The following SAA2 variants were observed in gnomAD, a reference collection of about 807,000 sequenced individuals.
The protein encoded by SAA2 is serum amyloid A2.
Under a neutral mutation model 9.1 loss-of-function variants are expected in SAA2, and 5 were observed. The observed-to-expected ratio is 0.55, with a 90% CI of 0.29 to 1.16. SAA2 has a LOEUF of 1.16. Among genes scored for constraint, SAA2 ranks in the 50% most tolerant of loss-of-function variants. The pLI, the probability that SAA2 is intolerant of heterozygous loss-of-function variation, is 0.09. For synonymous variants in SAA2, 49 were observed against 59.8 expected, an observed-to-expected ratio of 0.82 and a Z score of 0.83; for missense variants, 94 against 153.8, an observed-to-expected ratio of 0.61 and a Z score of 2.06.
In SAA2 at chr11:18,248,033, G is replaced by A. The variant is rs966279381; in HGVS notation, c.-4-18C>T. Reference sequence around the variant, plus strand: ...TCATGGTGCTGAAATGAAAGGAGAAGTCAGGCAGTCGCCCACAAGACTGGC... The same window carrying A: ...TCATGGTGCTGAAATGAAAGGAGAAATCAGGCAGTCGCCCACAAGACTGGC... On this transcript the variant is annotated intron_variant, in intron 1 of 3. Coordinates refer to ENST00000256733, the MANE Select transcript of SAA2 (RefSeq NM_030754.5). The A allele has an allele frequency of 9.9e-6, 16 of 1,611,392 alleles. No homozygotes were observed. The highest frequency in any genetic ancestry group is 1.3e-5 in the Non-Finnish European group (15 of 1,178,818).
At chr11:18,245,563 C>A (rs1328402706) in intron 3 of SAA2, 48 bp from the exon 4 acceptor site, 23 of 1,605,200 alleles carry the variant, frequency 1.4e-5, no homozygotes, top group Non-Finnish European at 1.5e-5. Flanking sequence ...GGCCAGTGAG[C>A]AACAGCTCAC....
At chr11:18,238,847 CCTT>C (rs1413396499), downstream of SAA2, among the ~76,000 whole-genome samples, 1 of 149,992 alleles carries the variant, frequency 6.7e-6, no homozygotes, top group East Asian at 2.0e-4. Context: ...TGGTAACCAT[CCTT>C]CTATTCTCTA....
chr11:18,240,024 A>G, intron 3 of SAA2: 2 of 1,546,508 alleles, frequency 1.3e-6, no homozygotes, highest in South Asian at 2.4e-5. Context: ...TTTAACATGC[A>G]AGGGGGAAAA....
downstream of SAA2, among the ~76,000 whole-genome samples, chr11:18,243,483 T>C (rs1857409082): frequency 6.6e-6 from 1 of 152,236 alleles, no homozygotes; most frequent in South Asian, 2.1e-4. Context: ...TTTACTAGAC[T>C]GAACACTAAT....
downstream of SAA2, among the ~76,000 whole-genome samples, chr11:18,243,128 T>C (rs1187508303): frequency 6.6e-6 from 1 of 152,180 alleles, no homozygotes; most frequent in East Asian, 1.9e-4. Context: ...ATGGACTATA[T>C]TGAATTAAAT....
chr11:18,240,633 T>C (rs577759143), downstream of SAA2, among the ~76,000 whole-genome samples: 12 of 152,316 alleles, frequency 7.9e-5, no homozygotes, highest in East Asian at 2.1e-3. Flanking sequence ...GGGGAAATGA[T>C]ACCTTATTCA....
chr11:18,244,222 C>T (rs1322693833), downstream of SAA2, among the ~76,000 whole-genome samples: 1 of 152,218 alleles, frequency 6.6e-6, no homozygotes, highest in Non-Finnish European at 1.5e-5. Flanking sequence ...GGGGTTTCAA[C>T]ATATACATTT....
At chr11:18,238,807 C>A (rs933296481), downstream of SAA2, among the ~76,000 whole-genome samples, 17 of 148,692 alleles carry the variant, frequency 1.1e-4, no homozygotes, top group Admixed American at 1.3e-4. Flanking sequence ...TCCCCTCACT[C>A]CCCCCCTCCC....
chr11:18,239,817 T>C, exon 4 of SAA2: 2 of 1,179,302 alleles, frequency 1.7e-6, no homozygotes, highest in Non-Finnish European at 2.3e-6. Context: ...AGGGAGCTCA[T>C]CCATGCCTCT....
Position 18,239,866 on chromosome 11 carries a change from G to A in SAA2, c.*82C>T, listed in dbSNP as rs1857291195. The A allele has an allele frequency of 3.3e-6, 5 of 1,508,760 alleles. No individual in the cohort carries two copies. In the South Asian group the frequency reaches 5.2e-5, roughly 16 times the overall value. The allele number at this position is 1,508,760 out of a possible 1,614,324, so 93.5% of individuals were successfully genotyped here. A position where few individuals can be genotyped will look rare whatever the true frequency, so the allele number is the denominator to read the frequency against. On this transcript the variant is annotated 3_prime_UTR_variant, in exon 4 of 4. Coordinates refer to the SAA2 transcript ENST00000414546. The stretch of plus-strand genomic sequence containing the variant: ...AAAGGCCATGGTCTTGTTAGTGGTG[G>A]TTATTTACACTGAATCTTCATTGCC...
chr11:18,240,274 C>T (rs746780033), downstream of SAA2: 8 of 702,412 alleles, frequency 1.1e-5, no homozygotes, highest in Non-Finnish European at 1.6e-5. Flanking sequence ...GGTTGTATTC[C>T]TCAGTCATCT....
At chr11:18,246,791 C>G (rs1857565515) in intron 2 of SAA2, among the ~76,000 whole-genome samples, 1 of 152,136 alleles carries the variant, frequency 6.6e-6, no homozygotes. Context: ...CCTTGGCCTC[C>G]CAAAGTGCTG....
At chr11:18,243,427 A>G (rs1179253362), downstream of SAA2, among the ~76,000 whole-genome samples, 3 of 152,184 alleles carry the variant, frequency 2.0e-5, no homozygotes, top group Non-Finnish European at 4.4e-5. Context: ...TGCTATTGTA[A>G]TAATAGCATT....
intron 3 of SAA2, chr11:18,240,148 T>G: frequency 1.2e-6 from 1 of 820,658 alleles, no homozygotes. Flanking sequence ...TCATAAATGA[T>G]TATTAGGAAG....
chr11:18,246,581 G>A (rs1857552514), intron 2 of SAA2, among the ~76,000 whole-genome samples: 1 of 152,136 alleles, frequency 6.6e-6, no homozygotes, highest in Non-Finnish European at 1.5e-5. Flanking sequence ...CACCCAGGCT[G>A]GAGCACACTG....
exon 4 of SAA2, chr11:18,239,917 A>C (rs758902961): frequency 4.1e-5 from 64 of 1,548,588 alleles, no homozygotes; most frequent in Non-Finnish European, 5.0e-5. Flanking sequence ...GTCATGTAGG[A>C]GTGAAGAAAA....
downstream of SAA2, chr11:18,242,872 A>G: frequency 2.9e-6 from 2 of 696,574 alleles, no homozygotes; most frequent in Middle Eastern, 2.3e-4. Flanking sequence ...ACAAAACACA[A>G]CTATAACAAA....
At chr11:18,242,821 T>C (rs554574763), downstream of SAA2, 1 of 701,798 alleles carries the variant, frequency 1.4e-6, no homozygotes, top group East Asian at 2.7e-5. Flanking sequence ...CACTTCAGCC[T>C]GGATGAAAGA....
chr11:18,241,152 C>A, downstream of SAA2, among the ~76,000 whole-genome samples: 1 of 152,100 alleles, frequency 6.6e-6, no homozygotes. Context: ...AATTTAAACA[C>A]AAATTTAATC....
Sources: gnomAD v4.1 joint callset for allele counts (sites outside exome capture counted in the v4.1 genomes callset) on GRCh38, gnomAD v4.1.1 for gene constraint, MANE v1.5 for transcripts, NCBI Gene and HGNC (gene_info 2026-07-23, HGNC 2026-07-21) for gene names.